Variants in DENND1B observed in about 807,000 individuals in gnomAD.
DENND1B encodes DENN domain containing 1B.
In DENND1B, 59 loss-of-function variants were observed where a neutral mutation model predicts 90.1. That is an observed-to-expected ratio of 0.65 (90% CI 0.53 to 0.81). DENND1B has a LOEUF of 0.81. DENND1B is among the 40% of genes least tolerant of loss of function. The pLI is 0.00. For missense variants in DENND1B, 862 were observed against 912.6 expected, an observed-to-expected ratio of 0.94 and a Z score of 0.71; for synonymous variants, 337 against 324.6, an observed-to-expected ratio of 1.04 and a Z score of -0.41.
intron 15 of DENND1B, among the ~76,000 whole-genome samples, chr1:197,570,257 T>G (rs1673036303): frequency 6.6e-6 from 1 of 151,404 alleles, no homozygotes; most frequent in Admixed American, 6.6e-5. Flanking sequence ...TAAACCAGGC[T>G]ATACCATGGT....
intron 10 of DENND1B, among the ~76,000 whole-genome samples, chr1:197,625,491 A>C (rs993290810): frequency 6.6e-6 from 1 of 152,024 alleles, no homozygotes; most frequent in African/African-American, 2.4e-5. Context: ...ACCAGGCCTG[A>C]CCTAAAAGAG....
At chr1:197,698,056 G>C (rs1007152087) in intron 3 of DENND1B, among the ~76,000 whole-genome samples, 1 of 152,010 alleles carries the variant, frequency 6.6e-6, no homozygotes, top group African/African-American at 2.4e-5. Flanking sequence ...ACTCAGCTCT[G>C]GATCAAGTGG....
chr1:197,763,224 T>A (rs1655315539), intron 2 of DENND1B, among the ~76,000 whole-genome samples: 1 of 152,184 alleles, frequency 6.6e-6, no homozygotes, highest in South Asian at 2.1e-4. Context: ...GGCGGGAGGA[T>A]CCCTGGAGCC....
intron 2 of DENND1B, among the ~76,000 whole-genome samples, chr1:197,759,522 T>C (rs952083101): frequency 2.7e-5 from 4 of 150,936 alleles, no homozygotes; most frequent in Non-Finnish European, 5.9e-5. Context: ...GCAGGTGGCA[T>C]GAGGTGGTGC....
chr1:197,664,028 C>G (rs7537088), intron 5 of DENND1B, among the ~76,000 whole-genome samples: 2,350 of 151,282 alleles, frequency 0.016, 61 homozygotes, highest in African/African-American at 0.05. Flanking sequence ...CACACACACA[C>G]AGAGAGAGAG....
rs934225770 is a variant in DENND1B at position 197,552,165 on chromosome 1, T to C, written c.1240+857A>G. ...ATTCCAGCATCTATTTATTTACATA[T>C]AGACTGAAGTTTTTTTTCCTCAAAA... On this transcript the variant is annotated intron_variant, in intron 16 of 22. Coordinates refer to ENST00000620048, the MANE Select transcript of DENND1B (RefSeq NM_001195215.2). 4.1e-5 allele frequency: 38 copies of C among 932,478 alleles called. No homozygotes were observed. In the African/African-American group the frequency reaches 5.4e-4, roughly 13 times the overall value. 57.8% of individuals were successfully genotyped at this position (932,478 alleles called of 1,614,324 possible).
chr1:197,598,734 G>A (rs779208408), intron 13 of DENND1B, among the ~76,000 whole-genome samples: 10 of 151,722 alleles, frequency 6.6e-5, no homozygotes, highest in Non-Finnish European at 1.3e-4. Flanking sequence ...AGTATCAATT[G>A]TTTTCTCTTT....
In DENND1B at chr1:197,506,159, C is replaced by T. The variant is rs1558179212; in HGVS notation, c.*4301G>A. ...GGCATCTGCCAGAAAAACAGATGTA[C>T]ATATTTATATGAACTAAGTTATGCA... On this transcript the variant is annotated 3_prime_UTR_variant, in exon 23 of 23. Transcript: ENST00000620048. 6.6e-6 allele frequency: 1 copy of T among 151,592 alleles called. No homozygotes were observed. Among genetic ancestry groups the T allele is most frequent in the Non-Finnish European group, 1.5e-5 (1 of 67,680 alleles). The allele number at this position is 151,592 out of a possible 1,614,324, so 9.4% of individuals were successfully genotyped here. A position where few individuals can be genotyped will look rare whatever the true frequency, so the allele number is the denominator to read the frequency against.
chr1:197,760,612 A>G (rs1654919579), intron 2 of DENND1B, among the ~76,000 whole-genome samples: 1 of 151,180 alleles, frequency 6.6e-6, no homozygotes, highest in Non-Finnish European at 1.5e-5. Flanking sequence ...ACTGCACTTC[A>G]GCCTGGGCAA....
chr1:197,669,462 A>G lies in DENND1B; in HGVS notation c.296+2575T>C, dbSNP rs139793363. On this transcript the variant is annotated intron_variant, in intron 5 of 22. Coordinates refer to ENST00000620048, the MANE Select transcript of DENND1B (RefSeq NM_001195215.2). ...ATAGCTTACAAATAGACATTTACCT[A>G]TCTATAATTTTCCAATTTTCTGAAT... is the stretch of plus-strand genomic sequence containing the variant. 1.2e-3 allele frequency among the ~76,000 whole-genome samples: 185 copies of G among 152,210 alleles called. 4 individuals are homozygous for G. The highest frequency in any genetic ancestry group is 4.0e-3 in the African/African-American group (167 of 41,556).
intron 7 of DENND1B, 131 bp downstream of exon 7, chr1:197,652,104 T>A (rs1653279258): frequency 3.0e-6 from 2 of 671,828 alleles, no homozygotes; most frequent in Middle Eastern, 2.4e-4. Context: ...CCTTGTTATG[T>A]TAGTACTAGC....
chr1:197,632,011 G>C (rs914529237), intron 10 of DENND1B, among the ~76,000 whole-genome samples: 1 of 152,068 alleles, frequency 6.6e-6, no homozygotes, highest in Non-Finnish European at 1.5e-5. Context: ...ACAGGCAAAA[G>C]ACTCTTGCCT....
chr1:197,505,384 AGAAAT>A lies in DENND1B; in HGVS notation c.*5071_*5075del, dbSNP rs1667682990. On this transcript the variant is annotated 3_prime_UTR_variant, in exon 23 of 23. Coordinates refer to ENST00000620048, the MANE Select transcript of DENND1B (RefSeq NM_001195215.2). Reference sequence around the variant, plus strand: ...TGGACCTCAACAAGGCTCACATTTGAGAAATGAAATAACAGAGATGAATAGACTTA... The same window carrying A: ...TGGACCTCAACAAGGCTCACATTTGAGAAATAACAGAGATGAATAGACTTA... 1 of 151,720 alleles carries A rather than the reference AGAAAT, an allele frequency of 6.6e-6. No homozygotes were observed. The highest frequency in any genetic ancestry group is 1.5e-5 in the Non-Finnish European group (1 of 67,788). The allele number at this position is 151,720 out of a possible 1,614,324, so 9.4% of individuals were successfully genotyped here.
chr1:197,588,427 T>A (rs1281032636), intron 14 of DENND1B, among the ~76,000 whole-genome samples: 1 of 152,154 alleles, frequency 6.6e-6, no homozygotes, highest in Non-Finnish European at 1.5e-5. Flanking sequence ...AGGACGTGTA[T>A]GACTTAGCAA....
chr1:197,631,330 T>C (rs1679303964), intron 10 of DENND1B, among the ~76,000 whole-genome samples: 1 of 152,126 alleles, frequency 6.6e-6, no homozygotes, highest in Non-Finnish European at 1.5e-5. Flanking sequence ...TCATTCTTGT[T>C]CAATTTCTTC....
intron 1 of DENND1B, 25 bp downstream of exon 1, chr1:197,775,114 G>A: frequency 1.6e-6 from 2 of 1,265,408 alleles, no homozygotes; most frequent in South Asian, 3.0e-5. Flanking sequence ...GCCCGCCCCC[G>A]ACGCGCCCGG....
intron 16 of DENND1B, among the ~76,000 whole-genome samples, chr1:197,551,145 GTTAGAACACTGCTA>G (rs1671212246): frequency 6.6e-6 from 1 of 150,882 alleles, no homozygotes; most frequent in Non-Finnish European, 1.5e-5. Flanking sequence ...CTAATTAATA[GTTAGAACACTGCTA>G]ATTTTTATTG....
chr1:197,613,275 C>G (rs1434995018), intron 11 of DENND1B, among the ~76,000 whole-genome samples: 1 of 150,658 alleles, frequency 6.6e-6, no homozygotes, highest in African/African-American at 2.4e-5. Flanking sequence ...GATGGCTAAC[C>G]ACCAATCTAT....
intron 2 of DENND1B, chr1:197,746,753 G>A (rs1663793737): frequency 1.2e-5 from 15 of 1,254,762 alleles, no homozygotes; most frequent in Non-Finnish European, 1.8e-5. Context: ...GGCAAGTTAT[G>A]CATATCCCAT....
Sources: allele counts gnomAD v4.1 joint callset (sites outside exome capture counted in the v4.1 genomes callset), GRCh38; gene constraint gnomAD v4.1.1; transcripts MANE v1.5; gene names NCBI Gene and HGNC (gene_info 2026-07-23, HGNC 2026-07-21).